IGSF11: variants seen among roughly 807,000 people sequenced by gnomAD.
IGSF11 encodes the protein immunoglobulin superfamily member 11.
Under a neutral mutation model 41.0 loss-of-function variants are expected in IGSF11, and 22 were observed. That is an observed-to-expected ratio of 0.54 (90% confidence interval 0.38 to 0.77). IGSF11 has a LOEUF of 0.77. IGSF11 is among the 30% of genes least tolerant of loss of function. IGSF11 has a pLI of 0.00. For synonymous variants in IGSF11, 219 were observed against 201.3 expected (o/e 1.09, Z -0.74); for missense variants, 444 against 530.8 (o/e 0.84, Z 1.61).
intron 1 of IGSF11, among the ~76,000 whole-genome samples, chr3:118,931,309 TC>T (rs1942830176): frequency 6.6e-6 from 1 of 152,180 alleles, no homozygotes; most frequent in Non-Finnish European, 1.5e-5. Context: ...AGGAATCTAC[TC>T]AAGTAAAATG....
At chr3:118,972,953 A>G (rs935451974) in intron 1 of IGSF11, among the ~76,000 whole-genome samples, 16 of 152,190 alleles carry the variant, frequency 1.1e-4, no homozygotes, top group African/African-American at 3.9e-4. Context: ...ACAAAGATGC[A>G]TGTACTGTGA....
intron 1 of IGSF11, among the ~76,000 whole-genome samples, chr3:118,938,983 T>C (rs1943481048): frequency 6.6e-6 from 1 of 152,180 alleles, no homozygotes; most frequent in African/African-American, 2.4e-5. Flanking sequence ...AAACCTGCAA[T>C]TATGGTTGGT....
intron 1 of IGSF11, among the ~76,000 whole-genome samples, chr3:119,050,290 A>C (rs1308316978): frequency 6.8e-6 from 1 of 147,286 alleles, no homozygotes; most frequent in African/African-American, 2.4e-5. Context: ...AATGAACTCA[A>C]ATTTACAAGA....
chr3:118,974,449 G>A (rs540723617), intron 1 of IGSF11, among the ~76,000 whole-genome samples: 24 of 152,188 alleles, frequency 1.6e-4, no homozygotes, highest in Admixed American at 4.6e-4. Flanking sequence ...AGGGCACAGA[G>A]AGGGTGATTA....
chr3:119,024,297 G>T (rs1391891547), intron 1 of IGSF11, among the ~76,000 whole-genome samples: 1 of 152,122 alleles, frequency 6.6e-6, no homozygotes, highest in Admixed American at 6.5e-5. Context: ...TCACGAAAAT[G>T]AATCATGTTT....
At chr3:119,068,999 T>A (rs1179638938) in intron 1 of IGSF11, among the ~76,000 whole-genome samples, 1 of 146,756 alleles carries the variant, frequency 6.8e-6, no homozygotes, top group Admixed American at 7.0e-5. Context: ...CAATCTCAGC[T>A]CACTGCAAGC....
intron 1 of IGSF11, among the ~76,000 whole-genome samples, chr3:119,091,995 G>T (rs1047148574): frequency 5.6e-4 from 24 of 42,538 alleles, no homozygotes; most frequent in South Asian, 3.4e-3. Context: ...GGTTTTTTTG[G>T]GGGGGGGGGG....
intron 1 of IGSF11, among the ~76,000 whole-genome samples, chr3:118,956,558 G>A (rs1944971954): frequency 6.6e-6 from 1 of 152,182 alleles, no homozygotes; most frequent in South Asian, 2.1e-4. Context: ...ACAGAGGGGA[G>A]AAAGACAGGC....
intron 1 of IGSF11, among the ~76,000 whole-genome samples, chr3:118,992,498 T>G (rs1935886525): frequency 6.6e-6 from 1 of 152,212 alleles, no homozygotes. Context: ...TTCACCAGAT[T>G]AACAGATTCT....
At chr3:119,047,910 C>G (rs1241555477) in intron 1 of IGSF11, among the ~76,000 whole-genome samples, 4 of 151,954 alleles carry the variant, frequency 2.6e-5, no homozygotes, top group Non-Finnish European at 5.9e-5. Context: ...GCGTACATAA[C>G]GAAATGAAGG....
At chr3:118,955,928 G>C (rs1308851956) in intron 1 of IGSF11, among the ~76,000 whole-genome samples, 1 of 152,118 alleles carries the variant, frequency 6.6e-6, no homozygotes, top group African/African-American at 2.4e-5. Context: ...ACAGAAGGCT[G>C]TTTTTCATCT....
At chr3:118,993,309 C>T (rs1935961549) in intron 1 of IGSF11, among the ~76,000 whole-genome samples, 1 of 152,180 alleles carries the variant, frequency 6.6e-6, no homozygotes, top group Admixed American at 6.5e-5. Context: ...AAATGCAAAA[C>T]TACAAGATAC....
chr3:118,936,304 C>T (rs1030429425), intron 1 of IGSF11, among the ~76,000 whole-genome samples: 11 of 151,676 alleles, frequency 7.3e-5, no homozygotes, highest in Non-Finnish European at 1.3e-4. Context: ...GTCGGGAGTT[C>T]GAGACCAGCC....
intron 1 of IGSF11, among the ~76,000 whole-genome samples, chr3:119,052,458 G>GGAGGGAGGGAGGGAAGGAGGAAGA (rs1941665125): frequency 1.4e-5 from 2 of 145,618 alleles, no homozygotes; most frequent in Non-Finnish European, 3.0e-5. Context: ...AGGAAGAGAG[G>GGAGGGAGGGAGGGAAGGAGGAAGA]GAGGGAGGGA....
intron 1 of IGSF11, among the ~76,000 whole-genome samples, chr3:118,993,418 G>A (rs1024729062): frequency 2.0e-5 from 3 of 152,246 alleles, no homozygotes; most frequent in Admixed American, 1.3e-4. Flanking sequence ...TGTGGAGAAT[G>A]TAAAAGAGTG....
chr3:119,112,533 C>G (rs879791320), intron 1 of IGSF11: 1 of 152,524 alleles, frequency 6.6e-6, no homozygotes, highest in Non-Finnish European at 1.5e-5. Context: ...AACTCCCTGA[C>G]CCCTTGCGCT....
At chr3:118,999,002 G>C (rs1210014172) in intron 1 of IGSF11, among the ~76,000 whole-genome samples, 1 of 151,900 alleles carries the variant, frequency 6.6e-6, no homozygotes, top group East Asian at 1.9e-4. Context: ...TAATAATAAG[G>C]AAATGGGTAT....
At chr3:119,036,142 G>A (rs1310317958), upstream of IGSF11, among the ~76,000 whole-genome samples, 1 of 152,120 alleles carries the variant, frequency 6.6e-6, no homozygotes, top group East Asian at 1.9e-4. Context: ...CTTTTAACAA[G>A]AATATCCTGA....
intron 1 of IGSF11, among the ~76,000 whole-genome samples, chr3:119,114,241 G>A (rs556195968): frequency 2.0e-5 from 3 of 152,274 alleles, no homozygotes; most frequent in South Asian, 2.1e-4. Context: ...GCTTGAATTC[G>A]TCCCCAGAAA....
Sources: gnomAD v4.1 joint callset for allele counts (sites outside exome capture counted in the v4.1 genomes callset) on GRCh38, gnomAD v4.1.1 for gene constraint, MANE v1.5 for transcripts, NCBI Gene and HGNC (gene_info 2026-07-23, HGNC 2026-07-21) for gene names.